CACNA2D3: variants seen among roughly 807,000 people sequenced by gnomAD.
CACNA2D3 encodes calcium voltage-gated channel auxiliary subunit alpha2delta 3, also known as voltage-dependent calcium channel subunit alpha-2/delta-3.
CACNA2D3 carries 60 observed loss-of-function variants against 160.6 expected under a neutral mutation model. That is an observed-to-expected ratio of 0.37 (90% CI 0.30 to 0.46). The LOEUF (loss-of-function observed/expected upper bound fraction) is 0.46. CACNA2D3 is among the 20% of genes least tolerant of loss of function. CACNA2D3 has a pLI of 1.00. For synonymous variants in CACNA2D3, 558 were observed against 492.9 expected, an observed-to-expected ratio of 1.13 and a Z score of -1.75; for missense variants, 1,205 against 1,365.0, an observed-to-expected ratio of 0.88 and a Z score of 1.85.
chr3:54,333,850 C>T (rs1202672341), intron 3 of CACNA2D3, among the ~76,000 whole-genome samples: 1 of 152,228 alleles, frequency 6.6e-6, no homozygotes, highest in East Asian at 1.9e-4. Context: ...AGGGGAACGT[C>T]ACCTGTTAGT....
chr3:54,722,313 C>G (rs1701183519), intron 11 of CACNA2D3, among the ~76,000 whole-genome samples: 1 of 152,124 alleles, frequency 6.6e-6, no homozygotes, highest in Non-Finnish European at 1.5e-5. Flanking sequence ...TTCGTCTAAC[C>G]TTTTTTCAAG....
intron 35 of CACNA2D3, among the ~76,000 whole-genome samples, chr3:55,051,009 A>T (rs995108284): frequency 2.1e-5 from 3 of 144,024 alleles, no homozygotes; most frequent in African/African-American, 7.9e-5. Context: ...ATTCTTCTAA[A>T]TTTTTTTCAA....
At chr3:54,345,291 A>G (rs1247191190) in intron 3 of CACNA2D3, among the ~76,000 whole-genome samples, 3 of 152,034 alleles carry the variant, frequency 2.0e-5, no homozygotes, top group Admixed American at 6.5e-5. Context: ...CTGTAACACA[A>G]CCTCCAGCTA....
rs541165847 is a variant in CACNA2D3 at position 54,809,650 on chromosome 3, C to T, written c.1381-7203C>T. 2.0e-3 allele frequency among the ~76,000 whole-genome samples: 308 copies of T among 151,768 alleles called. 2 individuals are homozygous for T. Among genetic ancestry groups the T allele is most frequent in the Admixed American group, 5.7e-3 (87 of 15,226 alleles). ...TCTTTCTTTCTTTCTTTCTTTCATTCTTTCTTCCCCTCCCTCCCTTCCTTT... is the reference window on the plus strand; with the variant it reads ...TCTTTCTTTCTTTCTTTCTTTCATTTTTTCTTCCCCTCCCTCCCTTCCTTT... On this transcript the variant is annotated intron_variant, in intron 13 of 37. Coordinates refer to ENST00000474759, the MANE Select transcript of CACNA2D3 (RefSeq NM_018398.3).
intron 4 of CACNA2D3, among the ~76,000 whole-genome samples, chr3:54,392,627 C>T (rs1341130410): frequency 6.6e-6 from 1 of 151,952 alleles, no homozygotes; most frequent in Non-Finnish European, 1.5e-5. Flanking sequence ...AAGAGCCTAC[C>T]TTGCAAATGT....
intron 13 of CACNA2D3, among the ~76,000 whole-genome samples, 194 bp downstream of exon 13, chr3:54,764,545 G>A (rs1034269205): frequency 6.6e-6 from 1 of 152,182 alleles, no homozygotes; most frequent in Non-Finnish European, 1.5e-5. Flanking sequence ...AGTATGACAC[G>A]TACTTCAGAA....
intron 11 of CACNA2D3, among the ~76,000 whole-genome samples, chr3:54,663,380 G>A (rs1700005674): frequency 6.6e-6 from 1 of 152,202 alleles, no homozygotes; most frequent in Non-Finnish European, 1.5e-5. Flanking sequence ...GTGAGCCGAG[G>A]TGTCCACCCC....
chr3:54,149,881 CTG>C (rs1204716682), intron 2 of CACNA2D3, among the ~76,000 whole-genome samples: 1,145 of 82,490 alleles, frequency 0.014, 98 homozygotes, highest in East Asian at 0.075. Flanking sequence ...CCTGAAGTAT[CTG>C]TCTCTCTCTC....
intron 9 of CACNA2D3, among the ~76,000 whole-genome samples, chr3:54,591,932 G>T (rs929807510): frequency 6.6e-6 from 1 of 152,104 alleles, no homozygotes; most frequent in African/African-American, 2.4e-5. Context: ...ATATTCATGT[G>T]CATGCTGACA....
intron 14 of CACNA2D3, among the ~76,000 whole-genome samples, chr3:54,826,232 C>A (rs1703747601): frequency 6.6e-6 from 1 of 151,968 alleles, no homozygotes; most frequent in Non-Finnish European, 1.5e-5. Flanking sequence ...CATTACAAAC[C>A]CAAATGTAGC....
chr3:54,463,625 G>T (rs1435534684), intron 4 of CACNA2D3, among the ~76,000 whole-genome samples: 4 of 152,120 alleles, frequency 2.6e-5, no homozygotes, highest in Admixed American at 2.6e-4. Context: ...AGCTCCATCA[G>T]CTCCTTTAAG....
rs1164666396 is a variant in CACNA2D3 at position 54,194,356 on chromosome 3, C to T, written c.204+70762C>T. On this transcript the variant is annotated intron_variant, in intron 2 of 37. Transcript: ENST00000474759. ...TATCCCATAAAATGTGTAAATATGA[C>T]GTGTCGATTAAAAGTAGTTAAAAAA... Among the ~76,000 whole-genome samples, 4 of 152,162 alleles carry T rather than the reference C, an allele frequency of 2.6e-5. No individual in the cohort carries two copies. In the East Asian group the frequency reaches 5.8e-4, roughly 22 times the overall value.
At chr3:55,060,590 A>G (rs1559476854) in intron 35 of CACNA2D3, among the ~76,000 whole-genome samples, 1 of 152,236 alleles carries the variant, frequency 6.6e-6, no homozygotes, top group Non-Finnish European at 1.5e-5. Flanking sequence ...AACTGCTTAG[A>G]AAAGGGTTTG....
At chr3:54,386,843 C>T in intron 4 of CACNA2D3, 69 bp downstream of exon 4, 4 of 1,363,494 alleles carry the variant, frequency 2.9e-6, no homozygotes, top group Admixed American at 2.1e-5. Context: ...CCAGGTATAC[C>T]AGGAATACTG....
At chr3:54,918,182 CTGTG>C (rs1253466629) in intron 27 of CACNA2D3, 1 of 329,804 alleles carries the variant, frequency 3.0e-6, no homozygotes, top group Non-Finnish European at 5.6e-6. Context: ...TTCCCTTTCT[CTGTG>C]TGTGTCTTAC....
rs1209335066 is a variant in CACNA2D3, at chr3:54,328,086, G to A, written c.321+7528G>A. On this transcript the variant is annotated intron_variant, in intron 3 of 37. Transcript: ENST00000474759. ...TCCATTTATTTGATGCATTTATTAG[G>A]ATGTATTCCTAGAATTGAAATTAAG... Among the ~76,000 whole-genome samples the A allele has an allele frequency of 2.6e-5, 4 of 152,144 alleles. No individual in the cohort carries two copies. In the South Asian group the frequency reaches 6.2e-4, roughly 24 times the overall value.
At chr3:54,529,523 T>C (rs79845711) in intron 5 of CACNA2D3, among the ~76,000 whole-genome samples, 3,107 of 152,294 alleles carry the variant, frequency 0.02, 94 homozygotes, top group East Asian at 0.11. Context: ...GGAAGATTCA[T>C]TCCACCTGTC....
chr3:54,270,854 C>T (rs1434184375), intron 2 of CACNA2D3, among the ~76,000 whole-genome samples: 1 of 152,252 alleles, frequency 6.6e-6, no homozygotes, highest in East Asian at 1.9e-4. Context: ...CAGCCTGCAT[C>T]CATCTTCAAA....
rs560077915 is a variant in CACNA2D3 at position 55,063,037 on chromosome 3, A to G, written c.2988-10408A>G. On this transcript the variant is annotated intron_variant, in intron 35 of 37. Transcript: ENST00000474759. ...TTATATGGGTGATACAGGTACCTAC[A>G]ACATGTCATGGGAGAATGGAGGAAG... is the stretch of plus-strand genomic sequence containing the variant. Among the ~76,000 whole-genome samples, 8 of 152,344 alleles carry G rather than the reference A, an allele frequency of 5.3e-5. No individual in the cohort carries two copies. In the East Asian group the frequency reaches 1.2e-3, roughly 22 times the overall value.
Sources: gnomAD v4.1 joint callset for allele counts (sites outside exome capture counted in the v4.1 genomes callset) on GRCh38, gnomAD v4.1.1 for gene constraint, MANE v1.5 for transcripts, NCBI Gene and HGNC (gene_info 2026-07-23, HGNC 2026-07-21) for gene names.